The following CCP110 variants were observed in gnomAD, a reference collection of about 807,000 sequenced individuals.
The protein encoded by CCP110 is centriolar coiled-coil protein of 110 kDa.
In CCP110, 43 loss-of-function variants were observed where a neutral mutation model predicts 105.5. That is an observed-to-expected ratio of 0.41 (90% CI 0.32 to 0.53). The LOEUF (loss-of-function observed/expected upper bound fraction) is 0.53. CCP110 is among the 20% of genes least tolerant of loss of function. CCP110 has a pLI of 0.32. For missense variants in CCP110, 1,016 were observed against 1,189.1 expected, an observed-to-expected ratio of 0.85 and a Z score of 2.14; for synonymous variants, 353 against 392.1, an observed-to-expected ratio of 0.90 and a Z score of 1.18.
chr16:19,544,793 T>G lies in CCP110; in HGVS notation c.2485-4T>G. 1 of 1,468,070 alleles carries G rather than the reference T, an allele frequency of 6.8e-7. No homozygotes were observed. The highest frequency in any genetic ancestry group is 9.4e-7 in the Non-Finnish European group (1 of 1,058,712). 90.9% of individuals were successfully genotyped at this position (1,468,070 alleles called of 1,614,324 possible). A position where few individuals can be genotyped will look rare whatever the true frequency, so the allele number is the denominator to read the frequency against. On this transcript the variant is annotated splice_region_variant and splice_polypyrimidine_tract_variant and intron_variant, in intron 8 of 14. Coordinates refer to ENST00000381396, the Ensembl canonical transcript of CCP110. ...TGTTTTTGAAGGAGCATTTCTTTTT[T>G]CAGGATACTATGGAATTCATAAGAA...
At position 19,548,446 on chromosome 16, in the gene CCP110, G is replaced by C; in HGVS notation, c.2901-69G>C. 1 of 994,804 alleles carries C rather than the reference G, an allele frequency of 1.0e-6. No individual in the cohort carries two copies. The highest frequency in any genetic ancestry group is 1.5e-6 in the Non-Finnish European group (1 of 667,054). 61.6% of individuals were successfully genotyped at this position (994,804 alleles called of 1,614,324 possible). On this transcript the variant is annotated intron_variant, in intron 13 of 14. Transcript: ENST00000381396. The surrounding 1 kb of genome is among the most constrained non-coding windows in gnomAD (Gnocchi z 4.1). ...TTTGGACAGTTGATGCAATGTGATT[G>C]CTTTCTTTGAATTTTGAACATTTAG...
At chr16:19,551,106 A>C (rs1266569555) in intron 14 of CCP110, 90 bp from the exon 14 acceptor site, 4 of 788,038 alleles carry the variant, frequency 5.1e-6, no homozygotes, top group Non-Finnish European at 6.9e-6. Flanking sequence ...TGCCTAGCTC[A>C]GTGTTTGTTC....
chr16:19,527,823 T>C lies in CCP110; in HGVS notation c.-15-44T>C, dbSNP rs1969725587. 2.0e-6 allele frequency: 3 copies of C among 1,509,532 alleles called. No individual in the cohort carries two copies. The Admixed American group carries it at 6.0e-5, about 30-fold the overall frequency. The allele number at this position is 1,509,532 out of a possible 1,614,324, so 93.5% of individuals were successfully genotyped here. A position where few individuals can be genotyped will look rare whatever the true frequency, so the allele number is the denominator to read the frequency against. On this transcript the variant is annotated intron_variant, in intron 1 of 14. Coordinates refer to ENST00000381396, the Ensembl canonical transcript of CCP110. ...CAAAATCTGCCAAATAATTAAGATC[T>C]GTTTTTCCCAGTACATTAAAAATAA...
At chr16:19,530,825 G>A (rs921658745) in intron 2 of CCP110, among the ~76,000 whole-genome samples, 2 of 151,536 alleles carry the variant, frequency 1.3e-5, no homozygotes, top group African/African-American at 4.9e-5. Context: ...ATGATGGTGG[G>A]TGCCTGTAAT....
intron 5 of CCP110, 139 bp downstream of exon 5, chr16:19,540,926 G>T (rs1970255096): frequency 3.8e-6 from 2 of 528,320 alleles, no homozygotes; most frequent in South Asian, 3.9e-5. Context: ...TACGTGAATG[G>T]TATTTTTTGT....
chr16:19,536,445 G>A (rs749981118), exon 4 of CCP110: 17 of 1,613,798 alleles, frequency 1.1e-5, no homozygotes, highest in Non-Finnish European at 1.2e-5. Flanking sequence ...GTTAATGAGA[G>A]TCATTTAGAC....
chr16:19,534,288 T>C (rs566715663), intron 3 of CCP110, among the ~76,000 whole-genome samples: 2 of 152,192 alleles, frequency 1.3e-5, no homozygotes, highest in African/African-American at 4.8e-5. Context: ...TCTTGGTCCA[T>C]TGAGGGAAGA....
intron 2 of CCP110, among the ~76,000 whole-genome samples, chr16:19,528,782 C>T (rs1378490645): frequency 1.3e-5 from 2 of 152,068 alleles, no homozygotes; most frequent in Non-Finnish European, 2.9e-5. Flanking sequence ...GCCTGTAGTC[C>T]CAGCTCTTCA....
At chr16:19,537,527 A>G in exon 4 of CCP110, 2 of 1,604,886 alleles carry the variant, frequency 1.2e-6, no homozygotes, top group Non-Finnish European at 1.7e-6. Flanking sequence ...GCCAGAAAAA[A>G]GATACCCTAA....
At chr16:19,526,051 A>G (rs1467044353) in intron 1 of CCP110, 9 of 152,382 alleles carry the variant, frequency 5.9e-5, no homozygotes, top group Non-Finnish European at 7.3e-5. Flanking sequence ...ATTAGCACTC[A>G]TATTTGAATG....
intron 8 of CCP110, among the ~76,000 whole-genome samples, chr16:19,543,716 A>T (rs1970367111): frequency 2.0e-5 from 3 of 152,156 alleles, no homozygotes; most frequent in African/African-American, 7.2e-5. Context: ...GGAGGTATAT[A>T]AACGGCCACT....
rs932652662 is a variant in CCP110, at chr16:19,551,343, CACAG to C, written c.*99_*102del. 3.8e-5 allele frequency: 39 copies of C among 1,024,980 alleles called. No individual in the cohort carries two copies. The African/African-American group carries it at 5.8e-4, about 15-fold the overall frequency. The allele number at this position is 1,024,980 out of a possible 1,614,324, so 63.5% of individuals were successfully genotyped here. On this transcript the variant is annotated 3_prime_UTR_variant, in exon 15 of 15. Coordinates refer to ENST00000381396, the Ensembl canonical transcript of CCP110. ...TTTATTTAACCCTGGACTCCGTTTA[CACAG>C]ACAAAGTGACATCAGAAGGCTGAGC...
At chr16:19,526,790 A>C (rs1214164380) in intron 1 of CCP110, 1 of 152,112 alleles carries the variant, frequency 6.6e-6, no homozygotes, top group Non-Finnish European at 1.5e-5. Flanking sequence ...TCATCTTTGC[A>C]TATCCCACAT....
intron 3 of CCP110, 85 bp downstream of exon 3, chr16:19,532,629 T>G: frequency 2.7e-6 from 3 of 1,107,918 alleles, no homozygotes; most frequent in East Asian, 4.9e-5. Context: ...TATTTGCACT[T>G]AACTAATTAC....
At chr16:19,534,464 TCTAA>T (rs1969979110) in intron 3 of CCP110, among the ~76,000 whole-genome samples, 1 of 152,226 alleles carries the variant, frequency 6.6e-6, no homozygotes, top group Non-Finnish European at 1.5e-5. Context: ...ATTTAACTTG[TCTAA>T]CTAAAGGCTC....
intron 14 of CCP110, among the ~76,000 whole-genome samples, chr16:19,550,815 T>A (rs1456725555): frequency 6.6e-6 from 1 of 152,244 alleles, no homozygotes; most frequent in African/African-American, 2.4e-5. Flanking sequence ...ATCTTTGACT[T>A]ACGGTTTTAA....
rs1970069100 is a variant in CCP110, at chr16:19,536,623, T to A, written c.954T>A (p.Ala318=). 6 of 1,614,192 alleles carry A rather than the reference T, an allele frequency of 3.7e-6. No individual in the cohort carries two copies. In the South Asian group the frequency reaches 6.6e-5, roughly 18 times the overall value. Residue 318 remains alanine (A), a synonymous_variant, in exon 4 of 15, where the codon GCT becomes GCA. Transcript: ENST00000381396. ...GCAGCATGAGTATGCCAGTTTTAGC[T>A]AGCTTTTCGAAAGTGGACATACCTA...
chr16:19,524,456 T>C (rs1028791664), intron 1 of CCP110, among the ~76,000 whole-genome samples: 1 of 152,128 alleles, frequency 6.6e-6, no homozygotes, highest in African/African-American at 2.4e-5. Flanking sequence ...GCCGTTTTTC[T>C]TCTCCCTCCC....
Position 19,551,193 on chromosome 16 carries a change from T to C in CCP110, c.2987-3T>C. On this transcript the variant is annotated splice_region_variant and splice_polypyrimidine_tract_variant and intron_variant, in intron 14 of 14. Coordinates refer to ENST00000381396, the Ensembl canonical transcript of CCP110. ...AGTAATACTGGTTTTGCTCTATTTT[T>C]AGGAGTATATGCAGGAAAAATCCAA... 3.1e-6 allele frequency: 5 copies of C among 1,600,220 alleles called. No homozygotes were observed. Among genetic ancestry groups the C allele is most frequent in the Non-Finnish European group, 4.3e-6 (5 of 1,167,328 alleles).
Sources: gnomAD v4.1 joint callset for allele counts (sites outside exome capture counted in the v4.1 genomes callset) on GRCh38, gnomAD v4.1.1 for gene constraint, Gnocchi (gnomAD v3.1) non-coding constraint, MANE v1.5 for transcripts, NCBI Gene and HGNC (gene_info 2026-07-23, HGNC 2026-07-21) for gene names.